CDK14: variants seen among roughly 807,000 people sequenced by gnomAD.
The protein encoded by CDK14 is cyclin dependent kinase 14.
Under a neutral mutation model 60.7 loss-of-function variants are expected in CDK14, and 34 were observed. That is an observed-to-expected ratio of 0.56 (90% confidence interval 0.43 to 0.75). The LOEUF is 0.75. Ranked by LOEUF, CDK14 falls within the 30% of genes least tolerant of loss-of-function variation. The pLI, the probability that CDK14 is intolerant of heterozygous loss-of-function variation, is 0.00. For missense variants in CDK14, 482 were observed against 564.1 expected, an observed-to-expected ratio of 0.85 and a Z score of 1.47; for synonymous variants, 197 against 203.7, an observed-to-expected ratio of 0.97 and a Z score of 0.28.
intron 5 of CDK14, among the ~76,000 whole-genome samples, chr7:90,807,250 T>G (rs1788887616): frequency 6.6e-6 from 1 of 152,132 alleles, no homozygotes. Context: ...ACATGGCCAG[T>G]TACTCCTCTG....
chr7:90,950,201 C>T (rs1229018607), intron 8 of CDK14, among the ~76,000 whole-genome samples: 3 of 152,066 alleles, frequency 2.0e-5, no homozygotes, highest in Non-Finnish European at 2.9e-5. Flanking sequence ...CTCAGCCTCT[C>T]GAGTACCTGG....
At chr7:91,144,860 A>G (rs747362743) in intron 14 of CDK14, among the ~76,000 whole-genome samples, 6 of 152,242 alleles carry the variant, frequency 3.9e-5, no homozygotes, top group Non-Finnish European at 8.8e-5. Context: ...AGCAACTTCT[A>G]GCATTTTGTT....
chr7:90,911,429 C>G (rs993674723), intron 7 of CDK14, among the ~76,000 whole-genome samples: 1 of 152,124 alleles, frequency 6.6e-6, no homozygotes, highest in Non-Finnish European at 1.5e-5. Flanking sequence ...TAAGACATTA[C>G]TGCTGTGTTC....
At chr7:91,000,425 A>G (rs893710083) in intron 10 of CDK14, among the ~76,000 whole-genome samples, 2 of 152,190 alleles carry the variant, frequency 1.3e-5, no homozygotes, top group Admixed American at 1.3e-4. Flanking sequence ...TGATGTACAC[A>G]CTTATTCCAG....
At chr7:91,107,559 G>A (rs1270516546) in intron 12 of CDK14, 1 of 152,206 alleles carries the variant, frequency 6.6e-6, no homozygotes, top group Non-Finnish European at 1.5e-5. Context: ...TTCTTGGAGA[G>A]GCTAGTTGTT....
At chr7:90,962,921 C>A (rs941111558) in intron 9 of CDK14, among the ~76,000 whole-genome samples, 1 of 152,060 alleles carries the variant, frequency 6.6e-6, no homozygotes, top group Non-Finnish European at 1.5e-5. Flanking sequence ...ACTCTTAGAA[C>A]GTCAATCAGC....
chr7:91,150,547 C>A (rs1299157149), intron 14 of CDK14, among the ~76,000 whole-genome samples: 1 of 152,068 alleles, frequency 6.6e-6, no homozygotes, highest in Non-Finnish European at 1.5e-5. Flanking sequence ...TAGGATCACA[C>A]TAAATTTATA....
chr7:90,748,327 G>C (rs1408297131), intron 4 of CDK14, among the ~76,000 whole-genome samples: 1 of 152,018 alleles, frequency 6.6e-6, no homozygotes, highest in East Asian at 1.9e-4. Context: ...ATTGCTCTCT[G>C]GGGGTCAGGG....
intron 12 of CDK14, among the ~76,000 whole-genome samples, chr7:91,092,580 C>T (rs1798862684): frequency 2.0e-5 from 3 of 152,180 alleles, no homozygotes; most frequent in South Asian, 4.1e-4. Context: ...GCAGAAAAAT[C>T]GTTTCACTAA....
intron 3 of CDK14, among the ~76,000 whole-genome samples, chr7:90,733,265 C>G (rs1049310860): frequency 6.6e-6 from 1 of 152,006 alleles, no homozygotes; most frequent in Non-Finnish European, 1.5e-5. Context: ...GTTATGTGGT[C>G]AATTTTAGTG....
chr7:90,678,453 T>A (rs1486761885), intron 2 of CDK14, among the ~76,000 whole-genome samples: 1 of 152,232 alleles, frequency 6.6e-6, no homozygotes, highest in Non-Finnish European at 1.5e-5. Flanking sequence ...TGTGTTCGTC[T>A]CTTCCACTAG....
At chr7:90,654,904 A>G (rs1365014611) in intron 2 of CDK14, among the ~76,000 whole-genome samples, 1 of 152,170 alleles carries the variant, frequency 6.6e-6, no homozygotes, top group Non-Finnish European at 1.5e-5. Flanking sequence ...TGACAAATGA[A>G]TGACATGTAT....
At chr7:91,068,812 A>G (rs1336807879) in intron 11 of CDK14, among the ~76,000 whole-genome samples, 1 of 131,634 alleles carries the variant, frequency 7.6e-6, no homozygotes, top group African/African-American at 3.8e-5. Context: ...TATATTAAAA[A>G]AAAAAAAAAA....
At chr7:91,089,527 G>C (rs1798740662) in intron 12 of CDK14, among the ~76,000 whole-genome samples, 1 of 150,028 alleles carries the variant, frequency 6.7e-6, no homozygotes, top group South Asian at 2.1e-4. Flanking sequence ...CTTCACATAT[G>C]TGTATATCCA....
intron 14 of CDK14, among the ~76,000 whole-genome samples, chr7:91,158,653 T>C (rs147795746): frequency 2.1e-3 from 324 of 152,322 alleles, no homozygotes; most frequent in Non-Finnish European, 3.7e-3. Context: ...CTTTCCAAGA[T>C]AAGTATATTA....
intron 14 of CDK14, among the ~76,000 whole-genome samples, chr7:91,151,683 C>T (rs866624782): frequency 3.9e-5 from 6 of 152,144 alleles, no homozygotes; most frequent in African/African-American, 4.8e-5. Context: ...CACTTGTGTT[C>T]ATTGTATCAT....
intron 11 of CDK14, among the ~76,000 whole-genome samples, chr7:91,076,796 G>T (rs1798331746): frequency 6.6e-6 from 1 of 151,956 alleles, no homozygotes; most frequent in South Asian, 2.1e-4. Flanking sequence ...AACTTAAACA[G>T]ATTTACAAGG....
intron 2 of CDK14, among the ~76,000 whole-genome samples, chr7:90,667,848 C>T (rs182392492): frequency 2.6e-5 from 4 of 152,248 alleles, no homozygotes; most frequent in East Asian, 1.9e-4. Context: ...GGATTACAGG[C>T]GTGAGCCACC....
intron 4 of CDK14, among the ~76,000 whole-genome samples, chr7:90,785,786 C>CAAAA (rs34034860): frequency 6.5e-5 from 3 of 45,938 alleles, no homozygotes; most frequent in Non-Finnish European, 1.2e-4. Context: ...GACTCCGTCT[C>CAAAA]AAAAAAAAAA....
Sources: allele counts gnomAD v4.1 joint callset (sites outside exome capture counted in the v4.1 genomes callset), GRCh38; gene constraint gnomAD v4.1.1; transcripts MANE v1.5; gene names NCBI Gene and HGNC (gene_info 2026-07-23, HGNC 2026-07-21).